Variants in IRAG1 observed in about 807,000 individuals in gnomAD.
IRAG1 encodes the protein IP3R-associated cGMP kinase substrate.
Under a neutral mutation model 106.2 loss-of-function variants are expected in IRAG1, and 62 were observed. The observed-to-expected ratio is 0.58, with a 90% CI of 0.48 to 0.72. The LOEUF (loss-of-function observed/expected upper bound fraction) is 0.72. Among genes scored for constraint, IRAG1 ranks in the 30% least tolerant of loss-of-function variants. The pLI, the probability that IRAG1 is intolerant of heterozygous loss-of-function variation, is 0.00. For missense variants in IRAG1, 1,064 were observed against 1,140.7 expected, an observed-to-expected ratio of 0.93 and a Z score of 0.97; for synonymous variants, 462 against 443.9, an observed-to-expected ratio of 1.04 and a Z score of -0.51.
At chr11:10,591,700 G>A (rs376302036) in intron 17 of IRAG1, 88 bp from the exon 18 acceptor site, 84 of 1,202,342 alleles carry the variant, frequency 7.0e-5, no homozygotes, top group Middle Eastern at 2.0e-4. Context: ...TGCTGGGAGC[G>A]GGGCTGCTGC....
chr11:10,646,094 A>C (rs2052692), intron 2 of IRAG1, among the ~76,000 whole-genome samples: 2 of 151,986 alleles, frequency 1.3e-5, no homozygotes, highest in Admixed American at 6.5e-5. Context: ...TATACCTTAC[A>C]TTTCTATGAG....
In IRAG1 at chr11:10,659,971, C is replaced by T. The variant is rs896370511; in HGVS notation, c.68-7789G>A. Among the ~76,000 whole-genome samples, 17 of 152,126 alleles carry T rather than the reference C, an allele frequency of 1.1e-4. No homozygotes were observed. Among genetic ancestry groups the T allele is most frequent in the Non-Finnish European group, 2.1e-4 (14 of 68,040 alleles). On this transcript the variant is annotated intron_variant, in intron 1 of 20. Coordinates refer to ENST00000423302, the MANE Select transcript of IRAG1 (RefSeq NM_130385.4). This position sits in a 1 kb window ranked among gnomAD's most constrained non-coding sequence, Gnocchi z 4.1. ...CACGGCATTCTGGGTCTGTGAGATC[C>T]CATAAAGGGCAGGGCACCGAGGGGT... is the stretch of plus-strand genomic sequence containing the variant.
At chr11:10,676,373 T>G (rs1238410488) in intron 1 of IRAG1, among the ~76,000 whole-genome samples, 1 of 152,190 alleles carries the variant, frequency 6.6e-6, no homozygotes, top group Non-Finnish European at 1.5e-5. Flanking sequence ...CGGTCCCCAG[T>G]CCCCCTTCTT....
intron 15 of IRAG1, among the ~76,000 whole-genome samples, chr11:10,595,257 A>G (rs1330293057): frequency 6.6e-6 from 1 of 152,182 alleles, no homozygotes; most frequent in Non-Finnish European, 1.5e-5. Flanking sequence ...GAGATTCTCT[A>G]TTAACCAATA....
intron 10 of IRAG1, among the ~76,000 whole-genome samples, chr11:10,613,421 A>G (rs2134428391): frequency 6.6e-6 from 1 of 150,966 alleles, no homozygotes; most frequent in African/African-American, 2.5e-5. Flanking sequence ...GTAACCACAC[A>G]AGCTGTCCTT....
Position 10,591,398 on chromosome 11 carries a change from T to C in IRAG1, c.2240+150A>G. ...AGAATTTTGCAAACAGGTTCTGAAATCTTTGTGGGTTTCAGACTCCCATTC... is the reference window on the plus strand; with the variant it reads ...AGAATTTTGCAAACAGGTTCTGAAACCTTTGTGGGTTTCAGACTCCCATTC... On this transcript the variant is annotated intron_variant, in intron 18 of 20. Transcript: ENST00000423302. The C allele has an allele frequency of 8.1e-6, 6 of 743,332 alleles. No homozygotes were observed. In the South Asian group the frequency reaches 1.1e-4, roughly 13 times the overall value. The allele number at this position is 743,332 out of a possible 1,614,324, so 46.0% of individuals were successfully genotyped here.
chr11:10,685,413 TC>T (rs556708919), intron 1 of IRAG1, among the ~76,000 whole-genome samples: 1 of 77,228 alleles, frequency 1.3e-5, no homozygotes, highest in Non-Finnish European at 2.6e-5. Context: ...AAGATTCCGT[TC>T]CCAAAAAAAA....
rs1856529964 is a variant in IRAG1 at position 10,629,530 on chromosome 11, C to T, written c.574+8G>A. ...CAGGGCAGCCACCTGTACATCCTGC[C>T]ACCCTACCTGATGGGGAGTCTCCGG... On this transcript the variant is annotated splice_region_variant and intron_variant, in intron 5 of 20. Transcript: ENST00000423302. 2 of 1,610,804 alleles carry T rather than the reference C, an allele frequency of 1.2e-6. No individual in the cohort carries two copies.
chr11:10,690,324 G>C (rs1375501868), intron 1 of IRAG1: 1 of 1,175,588 alleles, frequency 8.5e-7, no homozygotes, highest in Non-Finnish European at 1.1e-6. Context: ...CGGGAGGTGG[G>C]GTTGCACCAC....
At chr11:10,652,680 C>A (rs1198585198) in intron 1 of IRAG1, among the ~76,000 whole-genome samples, 1 of 152,128 alleles carries the variant, frequency 6.6e-6, no homozygotes, top group African/African-American at 2.4e-5. Flanking sequence ...TACAGAGAAC[C>A]AATAATTTGA....
chr11:10,691,246 T>C (rs979875142), intron 1 of IRAG1, among the ~76,000 whole-genome samples: 3 of 152,226 alleles, frequency 2.0e-5, no homozygotes, highest in Non-Finnish European at 2.9e-5. Flanking sequence ...AGAAACATGA[T>C]TGAACCTGAG....
At chr11:10,678,342 G>C (rs1179575720) in intron 1 of IRAG1, among the ~76,000 whole-genome samples, 2 of 152,180 alleles carry the variant, frequency 1.3e-5, no homozygotes, top group African/African-American at 4.8e-5. Context: ...ATTTCATCTT[G>C]TCGTCTCCTG....
intron 1 of IRAG1, among the ~76,000 whole-genome samples, chr11:10,654,829 A>C (rs1858795262): frequency 6.6e-6 from 1 of 152,230 alleles, no homozygotes; most frequent in Admixed American, 6.5e-5. Context: ...AGTGGGGAAG[A>C]TAAGACAGGA....
intron 1 of IRAG1, among the ~76,000 whole-genome samples, chr11:10,673,239 T>C (rs1860390478): frequency 6.6e-6 from 1 of 152,132 alleles, no homozygotes; most frequent in South Asian, 2.1e-4. Flanking sequence ...GCTGAGATCA[T>C]GCCACTTGCA....
chr11:10,630,805 G>A (rs914007485), intron 4 of IRAG1, among the ~76,000 whole-genome samples: 8 of 152,246 alleles, frequency 5.3e-5, no homozygotes, highest in African/African-American at 1.7e-4. Flanking sequence ...TCTTTGGGCA[G>A]CAGATCCTTG....
At chr11:10,600,227 C>T (rs565080191) in intron 15 of IRAG1, among the ~76,000 whole-genome samples, 18 of 152,310 alleles carry the variant, frequency 1.2e-4, no homozygotes, top group Non-Finnish European at 2.6e-4. Context: ...GGCCCTCCCC[C>T]GTGCTCCTAT....
Position 10,576,082 on chromosome 11 carries a change from G to A in IRAG1, c.*250C>T. 2.0e-6 allele frequency: 1 copy of A among 509,830 alleles called. No homozygotes were observed. The highest frequency in any genetic ancestry group is 3.5e-6 in the Non-Finnish European group (1 of 282,010). 31.6% of individuals were successfully genotyped at this position (509,830 alleles called of 1,614,324 possible). A position where few individuals can be genotyped will look rare whatever the true frequency, so the allele number is the denominator to read the frequency against. On this transcript the variant is annotated 3_prime_UTR_variant, in exon 21 of 21. Transcript: ENST00000423302. Reference sequence around the variant, plus strand: ...GGGCAGGAGACCTTCCCTTCCAATAGAGTTCCTTGGTGAAGGTGACTTCTT... The same window carrying A: ...GGGCAGGAGACCTTCCCTTCCAATAAAGTTCCTTGGTGAAGGTGACTTCTT...
chr11:10,658,983 C>T (rs1214350166), intron 1 of IRAG1, among the ~76,000 whole-genome samples: 3 of 148,454 alleles, frequency 2.0e-5, no homozygotes, highest in Non-Finnish European at 4.5e-5. Flanking sequence ...GCTGTGGCTG[C>T]CCAACGTCTG....
intron 1 of IRAG1, among the ~76,000 whole-genome samples, chr11:10,666,461 G>A (rs1032755307): frequency 9.9e-5 from 15 of 152,194 alleles, no homozygotes; most frequent in South Asian, 2.1e-4. Flanking sequence ...AGAGCCAGGC[G>A]ACAGCAGCAG....
Sources: gnomAD v4.1 joint callset for allele counts (sites outside exome capture counted in the v4.1 genomes callset) on GRCh38, gnomAD v4.1.1 for gene constraint, Gnocchi (gnomAD v3.1) non-coding constraint, MANE v1.5 for transcripts, NCBI Gene and HGNC (gene_info 2026-07-23, HGNC 2026-07-21) for gene names.